Variants in TENM2 observed in about 807,000 individuals in gnomAD.
TENM2 encodes the protein teneurin transmembrane protein 2.
Under a neutral mutation model 245.2 loss-of-function variants are expected in TENM2, and 52 were observed. That is an observed-to-expected ratio of 0.21 (90% CI 0.17 to 0.27). TENM2 has a LOEUF of 0.27. Ranked by LOEUF, TENM2 falls within the 10% of genes least tolerant of loss-of-function variation. The probability of loss-of-function intolerance (pLI) is 1.00; values close to 1 mark genes in which losing one functional copy is unlikely to be tolerated. For synonymous variants in TENM2, 1,363 were observed against 1,438.9 expected (o/e 0.95, Z 1.19); for missense variants, 3,046 against 3,666.8 (o/e 0.83, Z 4.37).
At chr5:168,118,470 C>G in exon 10 of TENM2, 1 of 1,557,792 alleles carries the variant, frequency 6.4e-7, no homozygotes, top group Non-Finnish European at 8.7e-7. Context: ...GCTACAAAGG[C>G]GAGCACTGTG....
intron 2 of TENM2, among the ~76,000 whole-genome samples, chr5:167,752,261 ATTTTTT>A (rs575290973): frequency 0.018 from 2,159 of 123,322 alleles, 34 homozygotes; most frequent in African/African-American, 0.049. Flanking sequence ...TGCCCAGCTA[ATTTTTT>A]TTTTTTTTTT....
At chr5:167,170,078 G>A in the TENM2 span, among the ~76,000 whole-genome samples, 2 of 152,198 alleles carry the variant, frequency 1.3e-5, no homozygotes, top group African/African-American at 4.8e-5. Flanking sequence ...CTGCTCATGT[G>A]AAACGGGTAC....
intron 3 of TENM2, among the ~76,000 whole-genome samples, chr5:167,890,885 CAT>C (rs1774696865): frequency 6.6e-6 from 1 of 152,170 alleles, no homozygotes. Flanking sequence ...GAAACACTAT[CAT>C]GTGTATTACC....
intron 13 of TENM2, chr5:168,185,024 C>T (rs912902101): frequency 6.6e-6 from 1 of 152,258 alleles, no homozygotes; most frequent in East Asian, 1.9e-4. Flanking sequence ...CATCTGGTTT[C>T]TCCTGCTGAT....
At chr5:168,179,391 G>A (rs1759653177) in intron 13 of TENM2, among the ~76,000 whole-genome samples, 1 of 152,224 alleles carries the variant, frequency 6.6e-6, no homozygotes, top group African/African-American at 2.4e-5. Context: ...CTGGCAGAGG[G>A]CCAAGCACTT....
At chr5:167,567,366 C>A (rs532669908) in intron 2 of TENM2, among the ~76,000 whole-genome samples, 4 of 152,148 alleles carry the variant, frequency 2.6e-5, no homozygotes, top group Non-Finnish European at 5.9e-5. Flanking sequence ...AGGTAAAAGG[C>A]TTATTAAGAT....
At chr5:167,982,531 T>C (rs1184879836) in intron 4 of TENM2, among the ~76,000 whole-genome samples, 2 of 152,216 alleles carry the variant, frequency 1.3e-5, no homozygotes, top group Non-Finnish European at 2.9e-5. Flanking sequence ...CCTGTTCTTT[T>C]TCAGCCCTTC....
chr5:167,009,566 T>C, the TENM2 span, among the ~76,000 whole-genome samples: 3 of 152,236 alleles, frequency 2.0e-5, no homozygotes, highest in East Asian at 5.8e-4. Flanking sequence ...AATCGTTGAA[T>C]GGCATGGTCC....
the TENM2 span, among the ~76,000 whole-genome samples, chr5:167,106,557 G>C: frequency 7.2e-5 from 11 of 152,326 alleles, no homozygotes; most frequent in South Asian, 2.1e-4. Flanking sequence ...TTTAATTCTA[G>C]AGGTACTGGG....
intron 2 of TENM2, among the ~76,000 whole-genome samples, chr5:167,566,551 C>T (rs751054977): frequency 1.3e-5 from 2 of 152,246 alleles, no homozygotes; most frequent in East Asian, 1.9e-4. Context: ...TGAAGAAACT[C>T]GCAAACAGTG....
At chr5:167,264,353 G>A in the TENM2 span, among the ~76,000 whole-genome samples, 608 of 152,204 alleles carry the variant, frequency 4.0e-3, 3 homozygotes, top group Non-Finnish European at 7.0e-3. Context: ...TGTCCTCTCC[G>A]TCCAGTCTTC....
chr5:168,247,268 C>A lies in TENM2; in HGVS notation c.6329C>A (p.Thr2110Asn), dbSNP rs780572104. ...AGCATCAAGCCCGTCATAAGTGAGA[C>A]TCCCCTCCCCGTTGACCTCTACCGC... Residue 2110 changes from threonine to asparagine, a missense_variant, in exon 27 of 29, where the codon ACT (threonine) becomes AAT (asparagine). By Grantham distance (65) the Thr-to-Asn change is moderately conservative. Around this residue, in one of 2 missense-constraint regions of TENM2, gnomAD observed 2,704 missense variants for 3,331.9 expected, o/e 0.81. Coordinates refer to ENST00000518659, the Ensembl canonical transcript of TENM2. The surrounding 1 kb of genome is among the most constrained non-coding windows in gnomAD (Gnocchi z 7.8). 21 of 1,613,996 alleles carry A rather than the reference C, an allele frequency of 1.3e-5. No homozygotes were observed. Among genetic ancestry groups the A allele is most frequent in the South Asian group, 1.2e-4 (11 of 91,080 alleles).
At chr5:167,575,179 C>G (rs1774558592) in intron 2 of TENM2, among the ~76,000 whole-genome samples, 1 of 149,460 alleles carries the variant, frequency 6.7e-6, no homozygotes, top group Admixed American at 6.7e-5. Context: ...TTAAGGATAA[C>G]AGAAATCCAG....
At chr5:167,648,016 G>A (rs1780081171) in intron 2 of TENM2, among the ~76,000 whole-genome samples, 1 of 152,210 alleles carries the variant, frequency 6.6e-6, no homozygotes, top group Non-Finnish European at 1.5e-5. Context: ...CAATCCTCAG[G>A]ACTTGCTACG....
At chr5:168,238,423 A>T (rs1295393180) in intron 25 of TENM2, among the ~76,000 whole-genome samples, 1 of 152,178 alleles carries the variant, frequency 6.6e-6, no homozygotes, top group Non-Finnish European at 1.5e-5. Flanking sequence ...ACGTCGCCAG[A>T]CAGGGAGACT....
intron 3 of TENM2, among the ~76,000 whole-genome samples, chr5:167,890,262 G>C (rs1774639985): frequency 6.6e-6 from 1 of 152,136 alleles, no homozygotes; most frequent in South Asian, 2.1e-4. Flanking sequence ...ATGATGTGCT[G>C]AGTCGCCGAA....
the TENM2 span, among the ~76,000 whole-genome samples, chr5:167,201,319 CT>C: frequency 3.2e-4 from 49 of 152,186 alleles, no homozygotes; most frequent in East Asian, 8.5e-3. Context: ...ATTATATTGC[CT>C]TTTAAAGAAG....
the TENM2 span, among the ~76,000 whole-genome samples, chr5:167,007,636 G>A: frequency 6.6e-6 from 1 of 151,954 alleles, no homozygotes; most frequent in African/African-American, 2.4e-5. The surrounding 1 kb of genome is among the most constrained non-coding windows in gnomAD (Gnocchi z 4.2). Context: ...TTCTCCCCTA[G>A]CCTCCCACAA....
chr5:167,376,855 G>C (rs563205028), intron 2 of TENM2, among the ~76,000 whole-genome samples: 9 of 152,208 alleles, frequency 5.9e-5, no homozygotes, highest in African/African-American at 2.2e-4. Context: ...TCCTTTTTCA[G>C]CTTCATTGTG....
Sources: allele counts gnomAD v4.1 joint callset (sites outside exome capture counted in the v4.1 genomes callset), GRCh38; gene constraint gnomAD v4.1.1; regional missense constraint gnomAD v4.1.1; non-coding constraint Gnocchi (gnomAD v3.1); transcripts MANE v1.5; gene names NCBI Gene and HGNC (gene_info 2026-07-23, HGNC 2026-07-21).